Variants in P2RX5 observed in about 807,000 individuals in gnomAD.
The protein encoded by P2RX5 is P2X purinoceptor 5.
A neutral mutation model predicts 54.1 loss-of-function variants in P2RX5; 46 were observed. The ratio of observed to expected loss-of-function variants is 0.85; its 90% CI spans 0.67 to 1.09. The LOEUF is 1.09. P2RX5 is among the 50% of genes least tolerant of loss of function. The pLI, the probability that P2RX5 is intolerant of heterozygous loss-of-function variation, is 0.00. For synonymous variants in P2RX5, 226 were observed against 226.4 expected (o/e 1.00, Z 0.02); for missense variants, 566 against 549.8 (o/e 1.03, Z -0.29).
At chr17:3,701,318 C>T in the P2RX5 span, among the ~76,000 whole-genome samples, 1 of 151,908 alleles carries the variant, frequency 6.6e-6, no homozygotes, top group Admixed American at 6.6e-5. Flanking sequence ...CCAATGTGAC[C>T]CAGGGAAGTC....
intron 7 of P2RX5, among the ~76,000 whole-genome samples, chr17:3,688,963 C>T (rs547572785): frequency 2.0e-4 from 31 of 152,348 alleles, no homozygotes; most frequent in Non-Finnish European, 4.0e-4. Flanking sequence ...CTGCCTCCCT[C>T]GTTCTTCAGG....
the P2RX5 span, chr17:3,723,665 C>T: frequency 1.3e-6 from 2 of 1,569,222 alleles, no homozygotes; most frequent in South Asian, 2.3e-5. Context: ...CCTCCCCTGG[C>T]CTCTCGGGAC....
chr17:3,706,335 T>G, the P2RX5 span, among the ~76,000 whole-genome samples: 1 of 152,076 alleles, frequency 6.6e-6, no homozygotes, highest in Non-Finnish European at 1.5e-5. Flanking sequence ...GTTCAAGTGA[T>G]CTGCCCACCT....
rs1486012975 is a variant in P2RX5, at chr17:3,690,467, T to A, written c.493A>T (p.Ile165Phe). The change falls in exon 5 of 12, where the codon ATC becomes TTC. Residue 165 changes from isoleucine to phenylalanine, a missense_variant. Physicochemically the swap from Ile to Phe is conservative, Grantham distance 21. Transcript: ENST00000225328. Reference protein sequence around the residue: ...RENLARGTCEIFAWCPLETSS... With the variant: ...RENLARGTCEFFAWCPLETSS... ...GTCTCCAACGGGCACCAGGCAAAGA[T>A]CTCACAGGTGCCCCTGGCCAAGTTC... 3 of 1,613,088 alleles carry A rather than the reference T, an allele frequency of 1.9e-6. No individual in the cohort carries two copies. The East Asian group carries it at 6.7e-5, about 36-fold the overall frequency.
chr17:3,692,234 G>A (rs1041958871), intron 1 of P2RX5, among the ~76,000 whole-genome samples: 2 of 151,564 alleles, frequency 1.3e-5, no homozygotes, highest in South Asian at 2.1e-4. Flanking sequence ...GGAGAATGGC[G>A]TGAACCCGGG....
chr17:3,678,028 T>A (rs540843304), intron 11 of P2RX5: 1 of 985,436 alleles, frequency 1.0e-6, no homozygotes, highest in East Asian at 1.1e-4. Context: ...TGCGGGTTGT[T>A]CTGGCCCCAA....
At chr17:3,717,584 G>C in the P2RX5 span, 3 of 152,218 alleles carry the variant, frequency 2.0e-5, no homozygotes, top group African/African-American at 7.2e-5. Flanking sequence ...GGGCCAGAGA[G>C]CCAACAAGAC....
In P2RX5 at chr17:3,673,721, T is replaced by A; in HGVS notation, c.*147A>T. The stretch of plus-strand genomic sequence containing the variant: ...CAGACGTGGAGGTCACTTTGCTCTG[T>A]GATGGCTGGTCCCTGTGATGTGGCA... On this transcript the variant is annotated 3_prime_UTR_variant, in exon 12 of 12. Coordinates refer to ENST00000225328, the MANE Select transcript of P2RX5 (RefSeq NM_002561.4). 1.3e-6 allele frequency: 2 copies of A among 1,594,200 alleles called. No homozygotes were observed. The highest frequency in any genetic ancestry group is 1.7e-6 in the Non-Finnish European group (2 of 1,170,896).
chr17:3,705,294 TC>T, the P2RX5 span, among the ~76,000 whole-genome samples: 1 of 152,090 alleles, frequency 6.6e-6, no homozygotes, highest in Non-Finnish European at 1.5e-5. Context: ...TTCCCATAGT[TC>T]CCTGTACACG....
rs567496968 is a variant in P2RX5 at position 3,677,069 on chromosome 17, T to A, written c.1259+2521A>T. ...AGAGCGAGACTCTATTTCAAAAAAATAAATAAATAAAAAGCAAGGCCCTAC... is the reference window on the plus strand; with the variant it reads ...AGAGCGAGACTCTATTTCAAAAAAAAAAATAAATAAAAAGCAAGGCCCTAC... On this transcript the variant is annotated intron_variant, in intron 11 of 11. Coordinates refer to ENST00000225328, the MANE Select transcript of P2RX5 (RefSeq NM_002561.4). 67 of 983,638 alleles carry A rather than the reference T, an allele frequency of 6.8e-5. No homozygotes were observed. The African/African-American group carries it at 9.3e-4, about 14-fold the overall frequency. The allele number at this position is 983,638 out of a possible 1,614,324, so 60.9% of individuals were successfully genotyped here.
At chr17:3,722,835 T>G in the P2RX5 span, among the ~76,000 whole-genome samples, 1 of 152,234 alleles carries the variant, frequency 6.6e-6, no homozygotes, top group Non-Finnish European at 1.5e-5. Flanking sequence ...TGGCACAATC[T>G]AATGTCTGCT....
rs1431757214 is a variant in P2RX5, at chr17:3,673,261, A to G, written c.*607T>C. 1.0e-6 allele frequency: 1 copy of G among 989,644 alleles called. No homozygotes were observed. Among genetic ancestry groups the G allele is most frequent in the Non-Finnish European group, 1.2e-6 (1 of 832,198 alleles). 61.3% of individuals were successfully genotyped at this position (989,644 alleles called of 1,614,324 possible). ...GACACCATTTATTGTTTTATGACCA[A>G]ATAAGAGTGTCAGAGAATACATATC... On this transcript the variant is annotated 3_prime_UTR_variant, in exon 12 of 12. Coordinates refer to ENST00000225328, the MANE Select transcript of P2RX5 (RefSeq NM_002561.4).
the P2RX5 span, among the ~76,000 whole-genome samples, chr17:3,701,299 A>C: frequency 0.15 from 23,483 of 152,164 alleles, 2,297 homozygotes; most frequent in Non-Finnish European, 0.22. Context: ...GCCCAAGACA[A>C]TTCTTTTTCC....
At chr17:3,698,436 G>A (rs2050795244), upstream of P2RX5, among the ~76,000 whole-genome samples, 1 of 152,152 alleles carries the variant, frequency 6.6e-6, no homozygotes, top group Admixed American at 6.6e-5. Context: ...GGGCCTGTTT[G>A]TTCTTTGAAG....
chr17:3,703,424 A>G, the P2RX5 span, among the ~76,000 whole-genome samples: 6 of 152,130 alleles, frequency 3.9e-5, no homozygotes, highest in Admixed American at 3.9e-4. Context: ...GCTCCTTGGG[A>G]GGCTGAGGTG....
intron 7 of P2RX5, among the ~76,000 whole-genome samples, chr17:3,689,235 G>A (rs57340300): frequency 7.0e-6 from 1 of 143,638 alleles, no homozygotes; most frequent in African/African-American, 2.6e-5. Flanking sequence ...CCGCTGCCAC[G>A]GCCTGCCTGT....
At position 3,688,754 on chromosome 17, in the gene P2RX5, G is replaced by A. The variant is rs889477221; in HGVS notation, c.759C>T (p.Gly253=). 10 of 1,613,884 alleles carry A rather than the reference G, an allele frequency of 6.2e-6. No individual in the cohort carries two copies. In the Admixed American group the frequency reaches 6.7e-5, roughly 11 times the overall value. ...SDFQDIALEG[G]VIGINIEWNC... is the part of the protein sequence containing the mutation. ...TCCATTCAATATTAATTCCTATCAC[G>A]CCACCCTTGATAAAAGAGAGATGAG... The change falls in exon 8 of 12, where the codon GGC becomes GGT. Residue 253 remains glycine (G), a synonymous_variant. Transcript: ENST00000225328.
chr17:3,674,265 C>A (rs150848), intron 11 of P2RX5, among the ~76,000 whole-genome samples: 1 of 151,358 alleles, frequency 6.6e-6, no homozygotes, highest in African/African-American at 2.4e-5. Context: ...GAGCCGAGAT[C>A]GCGCCACGGC....
chr17:3,680,071 C>T (rs917209433), intron 10 of P2RX5, among the ~76,000 whole-genome samples: 1 of 149,618 alleles, frequency 6.7e-6, no homozygotes, highest in Non-Finnish European at 1.5e-5. Flanking sequence ...GCATCCTCCA[C>T]CTGGCTTCCT....
Sources: gnomAD v4.1 joint callset for allele counts (sites outside exome capture counted in the v4.1 genomes callset) on GRCh38, gnomAD v4.1.1 for gene constraint, MANE v1.5 for transcripts, NCBI Gene and HGNC (gene_info 2026-07-23, HGNC 2026-07-21) for gene names.